Variants in PRELP observed in about 807,000 individuals in gnomAD.
PRELP encodes the protein prolargin.
PRELP carries 16 observed loss-of-function variants against 22.8 expected under a neutral mutation model. The observed-to-expected ratio is 0.70, with a 90% CI of 0.47 to 1.06. The LOEUF is 1.06. Ranked by LOEUF, PRELP falls within the 50% of genes least tolerant of loss-of-function variation. The pLI is 0.00. For missense variants in PRELP, 434 were observed against 485.2 expected, an observed-to-expected ratio of 0.89 and a Z score of 0.99; for synonymous variants, 233 against 211.4, an observed-to-expected ratio of 1.10 and a Z score of -0.89.
In PRELP at chr1:203,483,159, C is replaced by T. The variant is rs768103507; in HGVS notation, c.-16-10C>T. On this transcript the variant is annotated splice_polypyrimidine_tract_variant and intron_variant, in intron 1 of 2. Coordinates refer to ENST00000343110, the MANE Select transcript of PRELP (RefSeq NM_002725.4). This position sits in a 1 kb window ranked among gnomAD's most constrained non-coding sequence, Gnocchi z 4.4. ...CAAGGATAATGACCTTATGTGTCTTCTCCCTGCAGGTGCATCACCTGGATC... is the reference window on the plus strand; with the variant it reads ...CAAGGATAATGACCTTATGTGTCTTTTCCCTGCAGGTGCATCACCTGGATC... 1 of 1,514,620 alleles carries T rather than the reference C, an allele frequency of 6.6e-7. No individual in the cohort carries two copies. Among genetic ancestry groups the T allele is most frequent in the Non-Finnish European group, 8.8e-7 (1 of 1,130,308 alleles). 93.8% of individuals were successfully genotyped at this position (1,514,620 alleles called of 1,614,324 possible). A position where few individuals can be genotyped will look rare whatever the true frequency, so the allele number is the denominator to read the frequency against.
In PRELP at chr1:203,483,422, C is replaced by T; in HGVS notation, c.238C>T (p.Pro80Ser). ...TGACTGTCCCCGCGAATGCTACTGC[C>T]CCCCTGATTTCCCATCTGCCCTCTA... The part of the protein sequence containing the change: ...FPDCPRECYC[P>S]PDFPSALYCD... The change falls in exon 2 of 3, where the codon CCC becomes TCC. Residue 80 changes from proline to serine, a missense_variant. By Grantham distance (74) the Pro-to-Ser change is moderately conservative. Coordinates refer to ENST00000343110, the MANE Select transcript of PRELP (RefSeq NM_002725.4). This position sits in a 1 kb window ranked among gnomAD's most constrained non-coding sequence, Gnocchi z 4.4. 1.2e-6 allele frequency: 2 copies of T among 1,614,174 alleles called. No individual in the cohort carries two copies. The highest frequency in any genetic ancestry group is 1.3e-5 in the African/African-American group (1 of 75,048).
At position 203,486,777 on chromosome 1, in the gene PRELP, G is replaced by A. The variant is rs1661099447; in HGVS notation, c.1045G>A (p.Val349Met). ...FHDFSSDLEN[V>M]PHLRYLRLDG... The stretch of plus-strand genomic sequence containing the variant: ...TGACTTCTCCTCGGACCTGGAGAAC[G>A]TGCCACACCTGCGCTACCTGCGGCT... Residue 349 changes from valine (V) to methionine (M), a missense_variant, in exon 3 of 3, where the codon GTG becomes ATG. Transcript: ENST00000343110. The A allele has an allele frequency of 1.2e-6, 2 of 1,614,046 alleles. No homozygotes were observed. Among genetic ancestry groups the A allele is most frequent in the Non-Finnish European group, 8.5e-7 (1 of 1,179,922 alleles).
intron 2 of PRELP, among the ~76,000 whole-genome samples, chr1:203,484,936 T>C (rs1032826921): frequency 4.6e-5 from 7 of 152,090 alleles, no homozygotes; most frequent in Non-Finnish European, 1.0e-4. Context: ...TTCTGGTCCT[T>C]GAACAAAATC....
rs145455493 is a variant in PRELP, at chr1:203,482,347, C to T, written c.-16-822C>T. On this transcript the variant is annotated intron_variant, in intron 1 of 2. Transcript: ENST00000343110. ...AGGCTGGAGTGCATTGGTGCAATCTCGGCTCACTGCAACCTCCTCCTCCTG... is the reference window on the plus strand; with the variant it reads ...AGGCTGGAGTGCATTGGTGCAATCTTGGCTCACTGCAACCTCCTCCTCCTG... Among the ~76,000 whole-genome samples the T allele has an allele frequency of 9.5e-3, 1,439 of 151,452 alleles. 18 individuals are homozygous for T. The highest frequency in any genetic ancestry group is 0.03 in the African/African-American group (1,246 of 41,250).
At chr1:203,477,807 G>A (rs1660938295) in intron 1 of PRELP, among the ~76,000 whole-genome samples, 1 of 152,112 alleles carries the variant, frequency 6.6e-6, no homozygotes, top group Non-Finnish European at 1.5e-5. Flanking sequence ...TGTGGCCAGT[G>A]TCCCCTCACC....
intron 1 of PRELP, among the ~76,000 whole-genome samples, chr1:203,478,282 C>A (rs1323242999): frequency 6.6e-6 from 1 of 152,202 alleles, no homozygotes; most frequent in Non-Finnish European, 1.5e-5. Context: ...ATCAGACACA[C>A]TCTTCTAGGC....
rs1453083458 is a variant in PRELP at position 203,486,901 on chromosome 1, T to G, written c.*20T>G. On this transcript the variant is annotated 3_prime_UTR_variant, in exon 3 of 3. Transcript: ENST00000343110. ...ATCTAGGCCCTACTCCGCCACCGGATCTGCTCTGACCGCACTTGAAGGCTG... is the reference window on the plus strand; with the variant it reads ...ATCTAGGCCCTACTCCGCCACCGGAGCTGCTCTGACCGCACTTGAAGGCTG... The G allele has an allele frequency of 5.6e-6, 9 of 1,604,810 alleles. No homozygotes were observed. Among genetic ancestry groups the G allele is most frequent in the Non-Finnish European group, 7.7e-6 (9 of 1,174,218 alleles).
At chr1:203,476,780 G>A (rs142521431) in intron 1 of PRELP, among the ~76,000 whole-genome samples, 3 of 152,140 alleles carry the variant, frequency 2.0e-5, no homozygotes, top group Admixed American at 6.5e-5. Flanking sequence ...AGAAGAAAGC[G>A]ACCCAGTTCC....
In PRELP at chr1:203,487,209, A is replaced by C; in HGVS notation, c.*328A>C. ...CCTCCCCCACCCGCCACTCCTGGGT[A>C]CATCTGGGCCGTGGACTATCTGATC... On this transcript the variant is annotated 3_prime_UTR_variant, in exon 3 of 3. Coordinates refer to ENST00000343110, the MANE Select transcript of PRELP (RefSeq NM_002725.4). The C allele has an allele frequency of 4.4e-6, 1 of 226,838 alleles. No individual in the cohort carries two copies. Among genetic ancestry groups the C allele is most frequent in the Non-Finnish European group, 8.7e-6 (1 of 114,832 alleles). 14.1% of individuals were successfully genotyped at this position (226,838 alleles called of 1,614,324 possible). A position where few individuals can be genotyped will look rare whatever the true frequency, so the allele number is the denominator to read the frequency against.
chr1:203,484,033 C>A lies in PRELP; in HGVS notation c.849C>A (p.Leu283=), dbSNP rs775099469. 29 of 1,614,208 alleles carry A rather than the reference C, an allele frequency of 1.8e-5. No homozygotes were observed. The highest frequency in any genetic ancestry group is 2.5e-5 in the Non-Finnish European group (29 of 1,180,038). ...ACAACAAGCTGACAGACAGGGGACT[C>A]CCCAAGAACTCCTTTAATATCTCCA... ...LNYNKLTDRG[L]PKNSFNISNL... The change falls in exon 2 of 3, where the codon CTC becomes CTA. Residue 283 remains leucine, a synonymous_variant. Coordinates refer to ENST00000343110, the MANE Select transcript of PRELP (RefSeq NM_002725.4).
chr1:203,483,374 C>T lies in PRELP; in HGVS notation c.190C>T (p.Pro64Ser). 5.0e-6 allele frequency: 8 copies of T among 1,614,134 alleles called. No individual in the cohort carries two copies. Among genetic ancestry groups the T allele is most frequent in the Non-Finnish European group, 5.1e-6 (6 of 1,180,018 alleles). The change falls in exon 2 of 3, where the codon CCA becomes TCA. Residue 64 changes from proline (P) to serine (S), a missense_variant. Transcript: ENST00000343110. This position sits in a 1 kb window ranked among gnomAD's most constrained non-coding sequence, Gnocchi z 4.4. ...AACAGACCTGCCTCCTCCCCTCCCTCCAGGCCCTCCATCTATCTTCCCTGA... is the reference window on the plus strand; with the variant it reads ...AACAGACCTGCCTCCTCCCCTCCCTTCAGGCCCTCCATCTATCTTCCCTGA... ...EPTDLPPPLPPGPPSIFPDCP... is the reference protein window; with the variant it reads ...EPTDLPPPLPSGPPSIFPDCP...
Position 203,490,676 on chromosome 1 carries a change from C to G in PRELP, c.*3795C>G, listed in dbSNP as rs1226842906. Reference sequence around the variant, plus strand: ...GGGTTAGAACAGGGTGTCCCAGACTCTCTCTTCTGAGGGAAGGTTGGTTGC... The same window carrying G: ...GGGTTAGAACAGGGTGTCCCAGACTGTCTCTTCTGAGGGAAGGTTGGTTGC... On this transcript the variant is annotated 3_prime_UTR_variant, in exon 3 of 3. Coordinates refer to ENST00000343110, the MANE Select transcript of PRELP (RefSeq NM_002725.4). 6.6e-6 allele frequency: 1 copy of G among 152,250 alleles called. No individual in the cohort carries two copies. Among genetic ancestry groups the G allele is most frequent in the East Asian group, 1.9e-4 (1 of 5,204 alleles). The allele number at this position is 152,250 out of a possible 1,614,324, so 9.4% of individuals were successfully genotyped here.
chr1:203,483,566 C>T lies in PRELP; in HGVS notation c.382C>T (p.Leu128=), dbSNP rs142509772. The change falls in exon 2 of 3, where the codon CTG becomes TTG. Residue 128 remains leucine (L), a synonymous_variant. Coordinates refer to ENST00000343110, the MANE Select transcript of PRELP (RefSeq NM_002725.4). The surrounding 1 kb of genome is among the most constrained non-coding windows in gnomAD (Gnocchi z 4.4). ...GGAGTCCTTCCAGAATGCCACAGGC[C>T]TGCGATGGATTAACCTGGACAACAA... ...PVESFQNATG[L]RWINLDNNRI... is the part of the protein sequence containing the mutation. 248 of 1,614,238 alleles carry T rather than the reference C, an allele frequency of 1.5e-4. No individual in the cohort carries two copies. The African/African-American group carries it at 2.9e-3, about 19-fold the overall frequency.
In PRELP at chr1:203,487,713, T is replaced by C. The variant is rs1400056871; in HGVS notation, c.*832T>C. 6.6e-6 allele frequency: 1 copy of C among 151,938 alleles called. No homozygotes were observed. Among genetic ancestry groups the C allele is most frequent in the African/African-American group, 2.4e-5 (1 of 41,320 alleles). 9.4% of individuals were successfully genotyped at this position (151,938 alleles called of 1,614,324 possible). On this transcript the variant is annotated 3_prime_UTR_variant, in exon 3 of 3. Transcript: ENST00000343110. ...TGCGGCCCCCTTGCCCAACCTCGGG[T>C]TTAGGGAGGAGGGTTCACAGTGTTT...
intron 1 of PRELP, among the ~76,000 whole-genome samples, chr1:203,481,906 G>A (rs28691122): frequency 0.17 from 26,618 of 152,144 alleles, 2,907 homozygotes; most frequent in Non-Finnish European, 0.25. Flanking sequence ...GCAAAGAAAC[G>A]TGTCCCCTGC....
intron 1 of PRELP, among the ~76,000 whole-genome samples, chr1:203,482,247 C>T (rs1661013307): frequency 6.6e-6 from 1 of 151,564 alleles, no homozygotes; most frequent in Non-Finnish European, 1.5e-5. Flanking sequence ...AGCCCCAGGA[C>T]TCCTGACTCG....
rs746556806 is a variant in PRELP, at chr1:203,487,944, G to A, written c.*1063G>A. The A allele has an allele frequency of 1.3e-5, 2 of 152,260 alleles. No homozygotes were observed. Among genetic ancestry groups the A allele is most frequent in the African/African-American group, 2.4e-5 (1 of 41,468 alleles). 9.4% of individuals were successfully genotyped at this position (152,260 alleles called of 1,614,324 possible). Reference sequence around the variant, plus strand: ...GACAGACGCATCGGTGCCACCTAGTGGCTGGTGGGAGTAACAGCTGGTCCC... The same window carrying A: ...GACAGACGCATCGGTGCCACCTAGTAGCTGGTGGGAGTAACAGCTGGTCCC... On this transcript the variant is annotated 3_prime_UTR_variant, in exon 3 of 3. Transcript: ENST00000343110.
At chr1:203,478,839 CA>C (rs1473929132) in intron 1 of PRELP, among the ~76,000 whole-genome samples, 1 of 152,138 alleles carries the variant, frequency 6.6e-6, no homozygotes, top group East Asian at 1.9e-4. Flanking sequence ...AGGACCACAT[CA>C]GCCCTAATGG....
At chr1:203,481,779 G>A (rs1661005188) in intron 1 of PRELP, among the ~76,000 whole-genome samples, 1 of 152,176 alleles carries the variant, frequency 6.6e-6, no homozygotes, top group Non-Finnish European at 1.5e-5. Context: ...TGAGTGTGCA[G>A]ACTGGATCTG....
Sources: allele counts gnomAD v4.1 joint callset (sites outside exome capture counted in the v4.1 genomes callset), GRCh38; gene constraint gnomAD v4.1.1; non-coding constraint Gnocchi (gnomAD v3.1); transcripts MANE v1.5; gene names NCBI Gene and HGNC (gene_info 2026-07-23, HGNC 2026-07-21).